The following GMDS variants were observed in gnomAD, a reference collection of about 807,000 sequenced individuals.
The protein encoded by GMDS is GDP-mannose 4,6-dehydratase.
In GMDS, 20 loss-of-function variants were observed where a neutral mutation model predicts 49.9. That is an observed-to-expected ratio of 0.40 (90% CI 0.28 to 0.58). GMDS has a LOEUF of 0.58. GMDS is among the 20% of genes least tolerant of loss of function. The probability of loss-of-function intolerance (pLI) is 0.42; values close to 1 mark genes in which losing one functional copy is unlikely to be tolerated. For synonymous variants in GMDS, 177 were observed against 178.6 expected (o/e 0.99, Z 0.07); for missense variants, 362 against 481.4 (o/e 0.75, Z 2.32).
At chr6:2,235,704 C>A (rs1163108724) in intron 1 of GMDS, among the ~76,000 whole-genome samples, 1 of 151,512 alleles carries the variant, frequency 6.6e-6, no homozygotes, top group Non-Finnish European at 1.5e-5. Context: ...CCCAGCTTCT[C>A]GGGAGGCTGA....
intron 9 of GMDS, among the ~76,000 whole-genome samples, chr6:1,656,693 G>A (rs890522570): frequency 3.9e-5 from 6 of 152,036 alleles, no homozygotes; most frequent in African/African-American, 1.4e-4. Flanking sequence ...GAACCTGGGA[G>A]GTAAAGGTTG....
At chr6:2,027,570 G>A (rs1396774449) in intron 4 of GMDS, among the ~76,000 whole-genome samples, 4 of 152,136 alleles carry the variant, frequency 2.6e-5, no homozygotes, top group Non-Finnish European at 2.9e-5. Flanking sequence ...AAGCATATTT[G>A]GCAGGAGTGA....
chr6:1,663,382 T>C (rs1764143114), intron 9 of GMDS, among the ~76,000 whole-genome samples: 2 of 152,180 alleles, frequency 1.3e-5, no homozygotes, highest in Non-Finnish European at 2.9e-5. Context: ...TTGCTTCTTG[T>C]TCTCACCTAC....
chr6:1,938,685 T>C (rs1469033983), intron 6 of GMDS, among the ~76,000 whole-genome samples: 1 of 152,146 alleles, frequency 6.6e-6, no homozygotes, highest in Non-Finnish European at 1.5e-5. Context: ...TTCCTGCATC[T>C]GTGACTCTTT....
intron 1 of GMDS, among the ~76,000 whole-genome samples, chr6:2,216,103 C>T (rs1358112114): frequency 6.6e-6 from 1 of 152,136 alleles, no homozygotes; most frequent in Non-Finnish European, 1.5e-5. Flanking sequence ...TATTTGAAAA[C>T]TTCCTTAATA....
intron 4 of GMDS, among the ~76,000 whole-genome samples, chr6:2,004,950 C>G (rs1461025815): frequency 6.6e-6 from 1 of 152,148 alleles, no homozygotes. Flanking sequence ...AAATCTTACA[C>G]AGTATCAATC....
chr6:1,739,137 A>G (rs1210884349), intron 8 of GMDS, among the ~76,000 whole-genome samples: 2 of 152,248 alleles, frequency 1.3e-5, no homozygotes, highest in African/African-American at 4.8e-5. Flanking sequence ...ATCCTATCAC[A>G]AAGTTTTTTT....
intron 1 of GMDS, among the ~76,000 whole-genome samples, chr6:2,137,369 T>C (rs1353051765): frequency 6.6e-6 from 1 of 151,476 alleles, no homozygotes; most frequent in Non-Finnish European, 1.5e-5. Flanking sequence ...GTTTTGCTCT[T>C]GTTGCCCAGG....
chr6:1,676,432 C>T (rs1339502231), intron 9 of GMDS, among the ~76,000 whole-genome samples: 1 of 152,184 alleles, frequency 6.6e-6, no homozygotes, highest in Non-Finnish European at 1.5e-5. Flanking sequence ...GAAAAAACTA[C>T]TTTAAACTTC....
In GMDS at chr6:1,770,815, C is replaced by A. The variant is rs374517751; in HGVS notation, c.772-28229G>T. Among the ~76,000 whole-genome samples the A allele has an allele frequency of 4.6e-5, 7 of 152,174 alleles. No individual in the cohort carries two copies. The East Asian group carries it at 9.6e-4, about 21-fold the overall frequency. On this transcript the variant is annotated intron_variant, in intron 7 of 10. Transcript: ENST00000380815. ...TCAGGAGTCTGCATACCAAAAGCAT[C>A]CAGTCAACTGTTCTGAAAAGGTATT...
At chr6:2,155,660 G>A (rs1421917898) in intron 1 of GMDS, among the ~76,000 whole-genome samples, 1 of 152,128 alleles carries the variant, frequency 6.6e-6, no homozygotes, top group African/African-American at 2.4e-5. Context: ...GTTCACAGGA[G>A]TTGCGTATTA....
intron 7 of GMDS, among the ~76,000 whole-genome samples, chr6:1,793,864 T>G (rs1270790617): frequency 6.6e-6 from 1 of 152,206 alleles, no homozygotes. Flanking sequence ...ACCAGCTTAT[T>G]GCCAAAAATG....
At chr6:2,142,801 T>C (rs1189167312) in intron 1 of GMDS, among the ~76,000 whole-genome samples, 1 of 152,036 alleles carries the variant, frequency 6.6e-6, no homozygotes, top group African/African-American at 2.4e-5. Context: ...TTCCACTCTT[T>C]GCACCTCTAG....
chr6:2,181,630 T>C (rs1010597028), intron 1 of GMDS, among the ~76,000 whole-genome samples: 1 of 152,192 alleles, frequency 6.6e-6, no homozygotes, highest in African/African-American at 2.4e-5. Flanking sequence ...ATTATGTCAG[T>C]TGTGGTGGTC....
chr6:1,627,539 AT>A (rs564437619), intron 9 of GMDS, among the ~76,000 whole-genome samples: 65 of 152,292 alleles, frequency 4.3e-4, no homozygotes, highest in African/African-American at 1.5e-3. Flanking sequence ...CCTCTTAAAG[AT>A]TTTTGAACTT....
At chr6:1,674,536 A>G (rs892357010) in intron 9 of GMDS, among the ~76,000 whole-genome samples, 1 of 146,536 alleles carries the variant, frequency 6.8e-6, no homozygotes, top group Non-Finnish European at 1.5e-5. Context: ...CTGAAGTTCC[A>G]ACTCATCAAC....
chr6:2,017,068 G>A (rs1266057764), intron 4 of GMDS, among the ~76,000 whole-genome samples: 1 of 151,910 alleles, frequency 6.6e-6, no homozygotes, highest in Non-Finnish European at 1.5e-5. Context: ...GTAATGAACT[G>A]GAAAGGAAAA....
At chr6:2,089,466 CA>C (rs879790447) in intron 4 of GMDS, among the ~76,000 whole-genome samples, 3 of 151,558 alleles carry the variant, frequency 2.0e-5, no homozygotes, top group Non-Finnish European at 4.4e-5. Context: ...GCAAATAAAA[CA>C]GCTACAAAAG....
At chr6:1,832,130 G>A (rs1189915872) in intron 7 of GMDS, among the ~76,000 whole-genome samples, 1 of 151,662 alleles carries the variant, frequency 6.6e-6, no homozygotes, top group Non-Finnish European at 1.5e-5. Context: ...CAAGGTGGGA[G>A]GATCACTTGA....
Sources: allele counts gnomAD v4.1 joint callset (sites outside exome capture counted in the v4.1 genomes callset), GRCh38; gene constraint gnomAD v4.1.1; transcripts MANE v1.5; gene names NCBI Gene and HGNC (gene_info 2026-07-23, HGNC 2026-07-21).